TANC1: variants seen among roughly 807,000 people sequenced by gnomAD.
The protein encoded by TANC1 is tetratricopeptide repeat, ankyrin repeat and coiled-coil containing 1.
TANC1 carries 77 observed loss-of-function variants against 149.7 expected under a neutral mutation model. The ratio of observed to expected loss-of-function variants is 0.51; its 90% CI spans 0.43 to 0.62. The LOEUF (loss-of-function observed/expected upper bound fraction) is 0.62. Ranked by LOEUF, TANC1 falls within the 20% of genes least tolerant of loss-of-function variation. The pLI, the probability that TANC1 is intolerant of heterozygous loss-of-function variation, is 0.00. For missense variants in TANC1, 1,985 were observed against 2,321.8 expected, an observed-to-expected ratio of 0.85 and a Z score of 2.98; for synonymous variants, 854 against 925.0, an observed-to-expected ratio of 0.92 and a Z score of 1.39.
intron 4 of TANC1, 75 bp downstream of exon 4, chr2:159,097,909 A>G (rs947616766): frequency 1.1e-5 from 14 of 1,239,706 alleles, no homozygotes; most frequent in East Asian, 2.4e-5. Context: ...ACTAGTGCCC[A>G]TGAGAAATCT....
intron 4 of TANC1, among the ~76,000 whole-genome samples, chr2:159,120,840 A>T (rs1026633043): frequency 6.6e-6 from 1 of 152,034 alleles, no homozygotes; most frequent in African/African-American, 2.4e-5. Flanking sequence ...AACTTAAGCG[A>T]TCCTCCTGCC....
intron 4 of TANC1, among the ~76,000 whole-genome samples, chr2:159,107,970 A>G (rs1355231150): frequency 1.3e-5 from 2 of 152,228 alleles, no homozygotes; most frequent in African/African-American, 2.4e-5. Context: ...CACTGAAAAC[A>G]GGATCCAATT....
intron 22 of TANC1, among the ~76,000 whole-genome samples, chr2:159,223,725 A>T (rs6723692): frequency 2.6e-5 from 4 of 151,942 alleles, no homozygotes; most frequent in African/African-American, 9.7e-5. Context: ...TTACTCTCCC[A>T]ATTTCCTTCA....
At chr2:159,201,362 T>C (rs1016030319) in intron 19 of TANC1, among the ~76,000 whole-genome samples, 3 of 152,172 alleles carry the variant, frequency 2.0e-5, no homozygotes, top group Admixed American at 2.0e-4. Context: ...TTACCGACCC[T>C]AAATGTGGGA....
intron 4 of TANC1, among the ~76,000 whole-genome samples, chr2:159,120,313 A>T (rs1288201309): frequency 6.6e-6 from 1 of 152,136 alleles, no homozygotes; most frequent in African/African-American, 2.4e-5. Flanking sequence ...GCACTGTGGG[A>T]TAGGGAGTAG....
intron 19 of TANC1, among the ~76,000 whole-genome samples, chr2:159,201,952 C>G (rs1310209041): frequency 6.6e-6 from 1 of 152,242 alleles, no homozygotes; most frequent in African/African-American, 2.4e-5. Flanking sequence ...CTGCCCATCT[C>G]TTCTCTGCCA....
rs1430237364 is a variant in TANC1, at chr2:159,103,853, G to A, written c.259+6019G>A. 1.1e-4 allele frequency among the ~76,000 whole-genome samples: 11 copies of A among 97,028 alleles called. 5 individuals carry two copies. The highest frequency in any genetic ancestry group is 3.2e-4 in the Non-Finnish European group (11 of 34,658). The allele number at this position is 97,028 out of a possible 152,430, so 63.7% of individuals were successfully genotyped here. On this transcript the variant is annotated intron_variant, in intron 4 of 26. Coordinates refer to ENST00000263635, the MANE Select transcript of TANC1 (RefSeq NM_033394.3). The stretch of plus-strand genomic sequence containing the variant: ...TCTCTTATGTCAGCCAGCCTGTGCC[G>A]ATGTTCTGCCTGTACGTTGTTGGCT...
At chr2:159,096,676 G>T (rs1373099054) in intron 3 of TANC1, among the ~76,000 whole-genome samples, 4 of 152,310 alleles carry the variant, frequency 2.6e-5, no homozygotes, top group African/African-American at 4.8e-5. Flanking sequence ...GAGGGCAGGG[G>T]CATGAGCCAG....
At chr2:159,093,087 A>T (rs1245845802) in intron 3 of TANC1, among the ~76,000 whole-genome samples, 1 of 152,194 alleles carries the variant, frequency 6.6e-6, no homozygotes, top group Non-Finnish European at 1.5e-5. Flanking sequence ...AAATGTTCCA[A>T]TGGAAACACC....
intron 7 of TANC1, among the ~76,000 whole-genome samples, chr2:159,156,905 T>C (rs1007495601): frequency 8.5e-5 from 13 of 152,242 alleles, no homozygotes; most frequent in African/African-American, 3.1e-4. Flanking sequence ...GCCATTCCTT[T>C]AGGTGTTTCC....
intron 4 of TANC1, among the ~76,000 whole-genome samples, chr2:159,105,542 G>A (rs530938129): frequency 1.2e-4 from 18 of 152,240 alleles, no homozygotes; most frequent in African/African-American, 4.1e-4. Context: ...GTTCCCAGCA[G>A]TGGAATTACA....
intron 4 of TANC1, among the ~76,000 whole-genome samples, chr2:159,105,155 T>C (rs2047050479): frequency 6.7e-6 from 1 of 150,244 alleles, no homozygotes; most frequent in Non-Finnish European, 1.5e-5. Context: ...CCACCACGCC[T>C]GGCTAATTTT....
At chr2:159,186,093 C>G (rs1230837501) in intron 15 of TANC1, among the ~76,000 whole-genome samples, 194 bp downstream of exon 15, 1 of 152,212 alleles carries the variant, frequency 6.6e-6, no homozygotes, top group Non-Finnish European at 1.5e-5. Flanking sequence ...TTGCATTTTG[C>G]TATAGTTGAT....
At chr2:159,186,860 C>T in intron 15 of TANC1, 42 bp from the exon 16 acceptor site, 1 of 1,613,168 alleles carries the variant, frequency 6.2e-7, no homozygotes, top group Non-Finnish European at 8.5e-7. Context: ...TCAGGCAGAT[C>T]TGTCTCTGAT....
intron 2 of TANC1, among the ~76,000 whole-genome samples, chr2:159,031,695 TG>T (rs2039792699): frequency 6.6e-6 from 1 of 152,148 alleles, no homozygotes; most frequent in Non-Finnish European, 1.5e-5. Context: ...AGCTGAGCTT[TG>T]GAAAAAAGAA....
chr2:159,020,716 CA>C (rs1309506183), intron 2 of TANC1, among the ~76,000 whole-genome samples: 5 of 152,234 alleles, frequency 3.3e-5, no homozygotes, highest in African/African-American at 1.2e-4. Flanking sequence ...TGAAGCTGCT[CA>C]GGGGCAATGA....
At chr2:158,970,036 G>A (rs1010235556) in intron 1 of TANC1, among the ~76,000 whole-genome samples, 4 of 151,722 alleles carry the variant, frequency 2.6e-5, no homozygotes, top group African/African-American at 9.7e-5. Context: ...GGCTGGCGCG[G>A]AAAGGAAGTT....
At chr2:159,225,451 A>G in intron 23 of TANC1, 1 of 570,376 alleles carries the variant, frequency 1.8e-6, no homozygotes, top group East Asian at 3.0e-5. Context: ...CGCTGCTCGG[A>G]TGCCTTCGTT....
chr2:159,088,795 C>T (rs1320553444), intron 3 of TANC1, among the ~76,000 whole-genome samples: 4 of 150,830 alleles, frequency 2.7e-5, no homozygotes, highest in Non-Finnish European at 6.0e-5. Flanking sequence ...TAGACACCCC[C>T]GGTATGGATT....
Sources: allele counts gnomAD v4.1 joint callset (sites outside exome capture counted in the v4.1 genomes callset), GRCh38; gene constraint gnomAD v4.1.1; transcripts MANE v1.5; gene names NCBI Gene and HGNC (gene_info 2026-07-23, HGNC 2026-07-21).